Variants in NEMP2 observed in about 807,000 individuals in gnomAD.
NEMP2 encodes UPF0571 transmembrane protein.
In NEMP2, 53 loss-of-function variants were observed where a neutral mutation model predicts 54.2. The observed-to-expected ratio is 0.98, with a 90% CI of 0.78 to 1.23. NEMP2 has a LOEUF of 1.23. Ranked by LOEUF, NEMP2 falls within the 50% of genes most tolerant of loss-of-function variation. The pLI, the probability that NEMP2 is intolerant of heterozygous loss-of-function variation, is 0.00. For missense variants in NEMP2, 455 were observed against 511.3 expected (o/e 0.89, Z 1.06); for synonymous variants, 197 against 190.3 (o/e 1.04, Z -0.29).
the NEMP2 span, among the ~76,000 whole-genome samples, chr2:190,562,493 C>G: frequency 6.6e-6 from 1 of 152,202 alleles, no homozygotes; most frequent in Non-Finnish European, 1.5e-5. The surrounding 1 kb of genome is among the most constrained non-coding windows in gnomAD (Gnocchi z 5.0). Flanking sequence ...GGGCTGGCAC[C>G]TTTGCATTCC....
At chr2:190,608,715 G>A in the NEMP2 span, 1 of 152,158 alleles carries the variant, frequency 6.6e-6, no homozygotes. This position sits in a 1 kb window ranked among gnomAD's most constrained non-coding sequence, Gnocchi z 4.9. Flanking sequence ...AATTACTAGA[G>A]AGGCTGTGTC....
At chr2:190,592,418 G>C in the NEMP2 span, among the ~76,000 whole-genome samples, 3 of 152,266 alleles carry the variant, frequency 2.0e-5, no homozygotes, top group East Asian at 5.8e-4. This position sits in a 1 kb window ranked among gnomAD's most constrained non-coding sequence, Gnocchi z 4.4. Flanking sequence ...ATAATCACCT[G>C]ATTGCTCTTT....
chr2:190,438,976 A>G, the NEMP2 span, among the ~76,000 whole-genome samples: 1 of 152,064 alleles, frequency 6.6e-6, no homozygotes, highest in African/African-American at 2.4e-5. The surrounding 1 kb of genome is among the most constrained non-coding windows in gnomAD (Gnocchi z 5.2). Flanking sequence ...TGTTGTCACC[A>G]CCAAAGTCAG....
rs1406553257 is a variant in NEMP2 at position 190,510,587 on chromosome 2, G to A, written c.954-50C>T. 1 of 1,542,572 alleles carries A rather than the reference G, an allele frequency of 6.5e-7. No homozygotes were observed. Among genetic ancestry groups the A allele is most frequent in the Admixed American group, 2.0e-5 (1 of 50,866 alleles). On this transcript the variant is annotated intron_variant, in intron 7 of 8. Transcript: ENST00000409150. The surrounding 1 kb of genome is among the most constrained non-coding windows in gnomAD (Gnocchi z 5.7). Reference sequence around the variant, plus strand: ...GATTACTTCCTAATTCAATCCTTAAGATTTACAAAAATAGGCCAGGCTCGG... The same window carrying A: ...GATTACTTCCTAATTCAATCCTTAAAATTTACAAAAATAGGCCAGGCTCGG...
the NEMP2 span, among the ~76,000 whole-genome samples, chr2:190,559,630 A>G: frequency 1.3e-5 from 2 of 152,374 alleles, no homozygotes; most frequent in Middle Eastern, 3.4e-3. The surrounding 1 kb of genome is among the most constrained non-coding windows in gnomAD (Gnocchi z 4.0). Flanking sequence ...AGCAGTGTCC[A>G]ATGCTAGAGG....
At chr2:190,602,080 G>A in the NEMP2 span, among the ~76,000 whole-genome samples, 2 of 152,140 alleles carry the variant, frequency 1.3e-5, no homozygotes, top group Non-Finnish European at 2.9e-5. Flanking sequence ...TAATGTATTA[G>A]TCAGGGTTCT....
At chr2:190,553,906 A>C in the NEMP2 span, among the ~76,000 whole-genome samples, 10 of 152,210 alleles carry the variant, frequency 6.6e-5, no homozygotes, top group Non-Finnish European at 1.2e-4. Flanking sequence ...CTGGTCTACA[A>C]CTTCCAGTGA....
downstream of NEMP2, chr2:190,500,571 G>A (rs2125283812): frequency 4.7e-6 from 1 of 210,590 alleles, no homozygotes; most frequent in South Asian, 1.1e-4. This position sits in a 1 kb window ranked among gnomAD's most constrained non-coding sequence, Gnocchi z 5.3. Flanking sequence ...GTGTTTCGAG[G>A]TGAATGTGGA....
the NEMP2 span, among the ~76,000 whole-genome samples, chr2:190,568,799 G>T: frequency 1.3e-5 from 2 of 152,020 alleles, no homozygotes. The surrounding 1 kb of genome is among the most constrained non-coding windows in gnomAD (Gnocchi z 4.7). Context: ...TCCAACCTGA[G>T]CAACAAGAGC....
At chr2:190,647,493 T>C in the NEMP2 span, among the ~76,000 whole-genome samples, 1 of 152,158 alleles carries the variant, frequency 6.6e-6, no homozygotes, top group Non-Finnish European at 1.5e-5. Context: ...GGTGTGGGAA[T>C]GGCCTCCTAT....
chr2:190,638,018 G>A, the NEMP2 span, among the ~76,000 whole-genome samples: 1 of 152,214 alleles, frequency 6.6e-6, no homozygotes. This position sits in a 1 kb window ranked among gnomAD's most constrained non-coding sequence, Gnocchi z 5.7. Flanking sequence ...TGCCCGAGAG[G>A]GAGGTGAAAG....
At chr2:190,611,917 G>A in the NEMP2 span, among the ~76,000 whole-genome samples, 3 of 152,114 alleles carry the variant, frequency 2.0e-5, no homozygotes, top group Admixed American at 6.6e-5. The surrounding 1 kb of genome is among the most constrained non-coding windows in gnomAD (Gnocchi z 5.4). Flanking sequence ...GATAAGGTCC[G>A]ACTTATTCCA....
chr2:190,519,070 C>T lies in NEMP2; in HGVS notation c.327G>A (p.Trp109Ter). The change falls in exon 3 of 9, where the codon TGG becomes TGA. Residue 109 changes from tryptophan to a stop codon, truncating the protein, a stop_gained. Transcript: ENST00000409150. LOFTEE classifies it high-confidence loss of function. This position sits in a 1 kb window ranked among gnomAD's most constrained non-coding sequence, Gnocchi z 5.4. ...TTATTTCGTTAGATTCCTTTGGTAT[C>T]CAAAAGTTATGAATCACACATTTGA... ...SFIKCVIHNF[W>*]IPKESNEITI... The T allele has an allele frequency of 6.4e-7, 1 of 1,550,772 alleles. No homozygotes were observed. Among genetic ancestry groups the T allele is most frequent in the Non-Finnish European group, 8.7e-7 (1 of 1,146,608 alleles).
At chr2:190,549,781 C>T in the NEMP2 span, among the ~76,000 whole-genome samples, 2 of 152,028 alleles carry the variant, frequency 1.3e-5, no homozygotes, top group Non-Finnish European at 2.9e-5. Context: ...ATGGTTCCTT[C>T]CCTAGACATG....
At chr2:190,497,643 T>C in the NEMP2 span, 19 of 1,614,156 alleles carry the variant, frequency 1.2e-5, no homozygotes, top group Non-Finnish European at 1.5e-5. This position sits in a 1 kb window ranked among gnomAD's most constrained non-coding sequence, Gnocchi z 5.2. Flanking sequence ...GTGACCTTTG[T>C]CTATGCACTC....
chr2:190,634,639 A>C, the NEMP2 span, among the ~76,000 whole-genome samples: 2,955 of 152,326 alleles, frequency 0.019, 94 homozygotes, highest in African/African-American at 0.067. The surrounding 1 kb of genome is among the most constrained non-coding windows in gnomAD (Gnocchi z 6.8). Flanking sequence ...TACTTAAGGC[A>C]TATCAGGCAT....
chr2:190,503,183 C>G (rs1690092980), downstream of NEMP2, among the ~76,000 whole-genome samples: 1 of 152,160 alleles, frequency 6.6e-6, no homozygotes, highest in Admixed American at 6.5e-5. The surrounding 1 kb of genome is among the most constrained non-coding windows in gnomAD (Gnocchi z 6.3). Context: ...TACACCAGAC[C>G]CTTTACACTC....
chr2:190,450,095 T>G, the NEMP2 span, among the ~76,000 whole-genome samples: 1 of 152,194 alleles, frequency 6.6e-6, no homozygotes, highest in Non-Finnish European at 1.5e-5. Context: ...TCATAAAGTT[T>G]ATTACTGGCA....
the NEMP2 span, among the ~76,000 whole-genome samples, chr2:190,636,566 G>A: frequency 6.6e-6 from 1 of 152,172 alleles, no homozygotes; most frequent in Non-Finnish European, 1.5e-5. Context: ...AATGACGGTA[G>A]GTCAGTAGTG....
Sources: allele counts gnomAD v4.1 joint callset (sites outside exome capture counted in the v4.1 genomes callset), GRCh38; gene constraint gnomAD v4.1.1; non-coding constraint Gnocchi (gnomAD v3.1); transcripts MANE v1.5; gene names NCBI Gene and HGNC (gene_info 2026-07-23, HGNC 2026-07-21).